Variants in SLC26A6 observed in about 807,000 individuals in gnomAD.
SLC26A6 encodes solute carrier family 26 member 6.
Under a neutral mutation model 87.1 loss-of-function variants are expected in SLC26A6, and 67 were observed. The ratio of observed to expected loss-of-function variants is 0.77; its 90% CI spans 0.63 to 0.94. SLC26A6 has a LOEUF of 0.94. Ranked by LOEUF, SLC26A6 falls within the 40% of genes least tolerant of loss-of-function variation. The pLI, the probability that SLC26A6 is intolerant of heterozygous loss-of-function variation, is 0.00. For missense variants in SLC26A6, 902 were observed against 973.0 expected (o/e 0.93, Z 0.97); for synonymous variants, 414 against 405.9 (o/e 1.02, Z -0.24).
chr3:48,628,233 T>C lies in SLC26A6; in HGVS notation c.1801-195A>G. 1.3e-6 allele frequency: 1 copy of C among 770,640 alleles called. No individual in the cohort carries two copies. Among genetic ancestry groups the C allele is most frequent in the Non-Finnish European group, 2.1e-6 (1 of 485,030 alleles). 47.7% of individuals were successfully genotyped at this position (770,640 alleles called of 1,614,324 possible). On this transcript the variant is annotated intron_variant, in intron 16 of 20. Transcript: ENST00000395550. This position sits in a 1 kb window ranked among gnomAD's most constrained non-coding sequence, Gnocchi z 4.4. ...AAGAGGACTGTGACGGTTCTCACTG[T>C]CACTGGTTCAGATGATGGGAGAGAA...
Position 48,626,900 on chromosome 3 carries a change from A to G in SLC26A6, c.2049T>C (p.Thr683=), listed in dbSNP as rs1267195082. The G allele has an allele frequency of 3.1e-6, 5 of 1,613,990 alleles. No individual in the cohort carries two copies. Among genetic ancestry groups the G allele is most frequent in the East Asian group, 2.2e-5 (1 of 44,872 alleles). The change falls in exon 18 of 21, where the codon ACT becomes ACC. Residue 683 remains threonine, a synonymous_variant. Transcript: ENST00000395550. ...LDLGALSFVD[T]VCLKSLKNIF... is the part of the protein sequence containing the mutation. ...CATTCTTCAGGCTCTTGAGGCACAC[A>G]GTGTCCACAAAGGAGAGGGCACCCA...
Position 48,632,983 on chromosome 3 carries a change from T to C in SLC26A6, c.424A>G (p.Ile142Val). ...GCCTGCCTCCACTTACCCACGGAGA[T>C]GTGCCGGGAAGTGCCAAACAGGAAG... ...IYFLFGTSRH[I>V]SVGTFAVMSV... Residue 142 changes from isoleucine to valine, a missense_variant, in exon 4 of 21, where the codon ATC (isoleucine) becomes GTC (valine). By Grantham distance (29) the Ile-to-Val change is conservative. Transcript: ENST00000395550. 1.2e-6 allele frequency: 2 copies of C among 1,613,238 alleles called. No individual in the cohort carries two copies. Among genetic ancestry groups the C allele is most frequent in the Non-Finnish European group, 1.7e-6 (2 of 1,179,822 alleles).
chr3:48,633,478 G>A lies in SLC26A6; in HGVS notation c.181C>T (p.Gln61Ter). Residue 61 changes from glutamine (Q) to a stop codon, truncating the protein, a stop_gained and splice_region_variant, in exon 2 of 21, where the codon CAG becomes TAG. Coordinates refer to ENST00000395550, the MANE Select transcript of SLC26A6 (RefSeq NM_022911.3). LOFTEE classifies it high-confidence loss of function. ...CCCAGGCCCCAATCTTGGCCTTACT[G>A]CAACCAGGTCCGCCACTGGTGGGTC... The part of the protein sequence containing the change: ...PRTHQWRTWL[Q>*]CSRARAYALL... 1.2e-6 allele frequency: 2 copies of A among 1,612,946 alleles called. No individual in the cohort carries two copies. Among genetic ancestry groups the A allele is most frequent in the Non-Finnish European group, 1.7e-6 (2 of 1,179,900 alleles).
At chr3:48,627,164 A>G in intron 17 of SLC26A6, 109 bp from the exon 18 acceptor site, 1 of 1,264,712 alleles carries the variant, frequency 7.9e-7, no homozygotes, top group South Asian at 1.4e-5. Context: ...CATGCATGGG[A>G]CACATAAGGA....
chr3:48,629,773 G>A lies in SLC26A6; in HGVS notation c.1530-62C>T, dbSNP rs371172867. ...GAAAAAGGGGATAACAGAGGGGTCCGAAGGAGCCTGAAGTCCCCAGAGATG... is the reference window on the plus strand; with the variant it reads ...GAAAAAGGGGATAACAGAGGGGTCCAAAGGAGCCTGAAGTCCCCAGAGATG... On this transcript the variant is annotated intron_variant, in intron 13 of 20. Coordinates refer to ENST00000395550, the MANE Select transcript of SLC26A6 (RefSeq NM_022911.3). The A allele has an allele frequency of 3.5e-5, 57 of 1,608,644 alleles. No individual in the cohort carries two copies. The East Asian group carries it at 6.0e-4, about 17-fold the overall frequency.
Position 48,633,588 on chromosome 3 carries a change from A to G in SLC26A6, c.71T>C (p.Leu24Pro), listed in dbSNP as rs1373522790. ...TTCCATGTGGTAGTCTCGCCTCCGC[A>G]GGTCCATTGCTTGTGTTGCAGACAG... ...ALLSATQAMD[L>P]RRRDYHMERP... Residue 24 changes from leucine (L) to proline (P), a missense_variant, in exon 2 of 21, where the codon CTG becomes CCG. Leu to Pro is a moderately conservative substitution (Grantham distance 98, BLOSUM62 -3). Transcript: ENST00000395550. 4 of 1,613,406 alleles carry G rather than the reference A, an allele frequency of 2.5e-6. No individual in the cohort carries two copies. The African/African-American group carries it at 4.0e-5, about 16-fold the overall frequency.
In SLC26A6 at chr3:48,632,027, G is replaced by C. The variant is rs757323657; in HGVS notation, c.603C>G (p.Ile201Met). 6.2e-7 allele frequency: 1 copy of C among 1,613,360 alleles called. No homozygotes were observed. The highest frequency in any genetic ancestry group is 1.1e-5 in the South Asian group (1 of 91,072). The change falls in exon 6 of 21, where the codon ATC becomes ATG. Residue 201 changes from isoleucine to methionine, a missense_variant. Transcript: ENST00000395550. ...VGLFQVGLGL[I>M]HFGFVVTYLS... is the part of the protein sequence containing the mutation. Reference sequence around the variant, plus strand: ...GGTAGGTGACCACGAAGCCGAAGTGGATCAGGCCCAGCCCCACCTGTGGGG... The same window carrying C: ...GGTAGGTGACCACGAAGCCGAAGTGCATCAGGCCCAGCCCCACCTGTGGGG...
At chr3:48,634,652 T>C (rs948618197) in intron 1 of SLC26A6, 5 of 878,624 alleles carry the variant, frequency 5.7e-6, no homozygotes, top group Non-Finnish European at 6.8e-6. Flanking sequence ...TTGGGGAAGC[T>C]TTCACCAGTC....
In SLC26A6 at chr3:48,630,106, G is replaced by A; in HGVS notation, c.1378C>T (p.Leu460Phe). 1 of 1,611,730 alleles carries A rather than the reference G, an allele frequency of 6.2e-7. No homozygotes were observed. Among genetic ancestry groups the A allele is most frequent in the East Asian group, 2.2e-5 (1 of 44,786 alleles). Reference protein sequence around the residue: ...IVNLKGMLRQLSDMRSLWKAN... With the variant: ...IVNLKGMLRQFSDMRSLWKAN... ...TTCCAGAGGGAGCGCATGTCGCTGA[G>A]CTGCCTCAGCATGCCCTTCAGGTTC... Residue 460 changes from leucine to phenylalanine, a missense_variant, in exon 12 of 21, where the codon CTC becomes TTC. Physicochemically the swap from Leu to Phe is conservative, Grantham distance 22 (BLOSUM62 0). Transcript: ENST00000395550.
In SLC26A6 at chr3:48,628,033, G is replaced by A. The variant is rs922450728; in HGVS notation, c.1806C>T (p.Ala602=). The part of the protein sequence containing the change: ...QKEEKLRKQA[A]SPKGASVSIN... The stretch of plus-strand genomic sequence containing the variant: ...TGGAAACTGAGGCGCCCTTGGGGGA[G>A]GCAGCCTACACCAGGGAAGACAGGG... The change falls in exon 17 of 21, where the codon GCC becomes GCT. Residue 602 remains alanine (A), a synonymous_variant. Coordinates refer to ENST00000395550, the MANE Select transcript of SLC26A6 (RefSeq NM_022911.3). This position sits in a 1 kb window ranked among gnomAD's most constrained non-coding sequence, Gnocchi z 4.4. 6.3e-7 allele frequency: 1 copy of A among 1,576,228 alleles called. No individual in the cohort carries two copies. The highest frequency in any genetic ancestry group is 1.4e-5 in the African/African-American group (1 of 72,616).
intron 4 of SLC26A6, chr3:48,632,698 C>A: frequency 1.5e-6 from 1 of 685,188 alleles, no homozygotes; most frequent in Non-Finnish European, 2.7e-6. Flanking sequence ...TCAGGGCTGG[C>A]CTTAGGCTGC....
chr3:48,629,611 C>T, intron 14 of SLC26A6, 31 bp downstream of exon 14: 2 of 1,581,674 alleles, frequency 1.3e-6, no homozygotes, highest in Non-Finnish European at 1.7e-6. Flanking sequence ...TCTCCCCATC[C>T]ACACCATCTC....
chr3:48,628,049 G>A lies in SLC26A6; in HGVS notation c.1801-11C>T, dbSNP rs2046674855. 1 of 1,557,272 alleles carries A rather than the reference G, an allele frequency of 6.4e-7. No individual in the cohort carries two copies. The highest frequency in any genetic ancestry group is 8.6e-7 in the Non-Finnish European group (1 of 1,157,462). On this transcript the variant is annotated splice_polypyrimidine_tract_variant and intron_variant, in intron 16 of 20. Coordinates refer to ENST00000395550, the MANE Select transcript of SLC26A6 (RefSeq NM_022911.3). The surrounding 1 kb of genome is among the most constrained non-coding windows in gnomAD (Gnocchi z 4.4). ...CTTGGGGGAGGCAGCCTACACCAGG[G>A]AAGACAGGGAATGGGAAACAGCTAG...
At chr3:48,627,742 A>G in intron 17 of SLC26A6, 2 of 481,648 alleles carry the variant, frequency 4.2e-6, no homozygotes, top group Non-Finnish European at 7.2e-6. Context: ...GTCTTCATCT[A>G]GGCCTGAGAA....
chr3:48,632,425 A>G (rs757804045), intron 4 of SLC26A6, 29 bp from the exon 5 acceptor site: 5 of 1,592,134 alleles, frequency 3.1e-6, no homozygotes, highest in Non-Finnish European at 3.4e-6. Context: ...GCAGGTCTGA[A>G]GAGGAGAGGA....
chr3:48,629,611 C>A, intron 14 of SLC26A6, 31 bp downstream of exon 14: 1 of 1,581,672 alleles, frequency 6.3e-7, no homozygotes, highest in Non-Finnish European at 8.6e-7. Context: ...TCTCCCCATC[C>A]ACACCATCTC....
Position 48,631,869 on chromosome 3 carries a change from C to A in SLC26A6, c.750+11G>T. On this transcript the variant is annotated intron_variant, in intron 6 of 20. Transcript: ENST00000395550. ...GCACACCTACCCCTCCCTCCCCCTA[C>A]CCTCACTCACATAGATGAGGGACAG... 6.2e-7 allele frequency: 1 copy of A among 1,613,550 alleles called. No individual in the cohort carries two copies. Among genetic ancestry groups the A allele is most frequent in the African/African-American group, 1.3e-5 (1 of 75,056 alleles).
intron 9 of SLC26A6, 107 bp from the exon 10 acceptor site, chr3:48,630,827 C>A (rs1284777884): frequency 6.7e-6 from 10 of 1,497,260 alleles, no homozygotes; most frequent in Non-Finnish European, 9.2e-6. Flanking sequence ...ACCAAGTGGC[C>A]CCCAGAGACT....
chr3:48,627,203 G>A (rs2046650080), intron 17 of SLC26A6, 148 bp from the exon 18 acceptor site: 1 of 917,658 alleles, frequency 1.1e-6, no homozygotes, highest in Non-Finnish European at 1.6e-6. Context: ...ACATAGGTGT[G>A]CAAAGACAGG....
Sources: allele counts gnomAD v4.1 joint callset, GRCh38; gene constraint gnomAD v4.1.1; non-coding constraint Gnocchi (gnomAD v3.1); transcripts MANE v1.5; gene names NCBI Gene and HGNC (gene_info 2026-07-23, HGNC 2026-07-21).